The following UGT8 variants were observed in gnomAD, a reference collection of about 807,000 sequenced individuals.
UGT8 encodes the protein 2-hydroxyacylsphingosine 1-beta-galactosyltransferase.
In UGT8, 12 loss-of-function variants were observed where a neutral mutation model predicts 40.5. The observed-to-expected ratio is 0.30, with a 90% CI of 0.19 to 0.48. The LOEUF (loss-of-function observed/expected upper bound fraction) is 0.48, where lower values mean the gene tolerates loss of function less well. UGT8 is among the 20% of genes least tolerant of loss of function. The pLI is 0.99. For missense variants in UGT8, 513 were observed against 648.7 expected (o/e 0.79, Z 2.27); for synonymous variants, 224 against 240.4 (o/e 0.93, Z 0.63).
chr4:114,665,908 A>G (rs1013365897), intron 4 of UGT8, 152 bp downstream of exon 4: 9 of 527,752 alleles, frequency 1.7e-5, no homozygotes, highest in African/African-American at 5.9e-5. Context: ...CAGTATCTCA[A>G]ATCTTAAATT....
chr4:114,627,827 T>A (rs1732332400), intron 2 of UGT8, among the ~76,000 whole-genome samples: 1 of 152,230 alleles, frequency 6.6e-6, no homozygotes, highest in African/African-American at 2.4e-5. Flanking sequence ...TAATAGCACT[T>A]TAACTACTGT....
At chr4:114,601,525 G>T (rs1231281033) in intron 1 of UGT8, among the ~76,000 whole-genome samples, 1 of 151,076 alleles carries the variant, frequency 6.6e-6, no homozygotes, top group Non-Finnish European at 1.5e-5. Flanking sequence ...ATCTGCATTG[G>T]TACTTATTTA....
At chr4:114,658,135 AC>A (rs1259121982) in intron 2 of UGT8, among the ~76,000 whole-genome samples, 1 of 152,214 alleles carries the variant, frequency 6.6e-6, no homozygotes, top group Non-Finnish European at 1.5e-5. Flanking sequence ...CAAAATGTTC[AC>A]TATCATTTTA....
intron 1 of UGT8, among the ~76,000 whole-genome samples, chr4:114,617,755 G>C (rs887831427): frequency 6.6e-6 from 1 of 152,174 alleles, no homozygotes; most frequent in African/African-American, 2.4e-5. Flanking sequence ...TAAGAATTTG[G>C]TTAGAATTGT....
chr4:114,635,456 CT>C (rs1003411080), intron 2 of UGT8, among the ~76,000 whole-genome samples: 6 of 151,900 alleles, frequency 3.9e-5, no homozygotes, highest in South Asian at 2.1e-4. Context: ...TATTGAAAGA[CT>C]TTTTTTCTTC....
Position 114,664,150 on chromosome 4 carries a change from T to G in UGT8, c.965+13T>G, listed in dbSNP as rs1056017478. The G allele has an allele frequency of 1.9e-6, 3 of 1,612,422 alleles. No individual in the cohort carries two copies. The highest frequency in any genetic ancestry group is 2.7e-5 in the African/African-American group (2 of 74,920). On this transcript the variant is annotated intron_variant, in intron 3 of 5. Transcript: ENST00000310836. ...AAGTGATTTGGAGGTAAGGTAATAA[T>G]GTAGATTGTTTCTTTGCTATTGACA...
At chr4:114,671,227 C>T (rs535940145) in intron 5 of UGT8, among the ~76,000 whole-genome samples, 9 of 152,186 alleles carry the variant, frequency 5.9e-5, no homozygotes, top group Non-Finnish European at 1.2e-4. Context: ...AATGGCTATA[C>T]TGCCCAAAGT....
chr4:114,649,963 A>G (rs374268020), intron 2 of UGT8, among the ~76,000 whole-genome samples: 1 of 152,228 alleles, frequency 6.6e-6, no homozygotes, highest in South Asian at 2.1e-4. Context: ...CTGATATAAA[A>G]TTATATGTGA....
At chr4:114,669,064 T>A (rs1449655167) in intron 5 of UGT8, among the ~76,000 whole-genome samples, 1 of 152,224 alleles carries the variant, frequency 6.6e-6, no homozygotes, top group Non-Finnish European at 1.5e-5. Flanking sequence ...CTAGGGGATA[T>A]GGCTTAACAC....
intron 2 of UGT8, among the ~76,000 whole-genome samples, chr4:114,648,050 A>T (rs1733682764): frequency 6.6e-6 from 1 of 152,182 alleles, no homozygotes; most frequent in African/African-American, 2.4e-5. Flanking sequence ...AAGACTCTAA[A>T]ATCCACTTAA....
chr4:114,646,779 T>G (rs1578442455), intron 2 of UGT8, among the ~76,000 whole-genome samples: 1 of 152,240 alleles, frequency 6.6e-6, no homozygotes, highest in Admixed American at 6.5e-5. Flanking sequence ...TTTTTTGATA[T>G]GCCTAGAAAT....
At chr4:114,610,043 G>C (rs572632330) in intron 1 of UGT8, among the ~76,000 whole-genome samples, 1 of 152,096 alleles carries the variant, frequency 6.6e-6, no homozygotes, top group African/African-American at 2.4e-5. Context: ...CATGACCAAG[G>C]CTTTACAAAG....
intron 2 of UGT8, among the ~76,000 whole-genome samples, chr4:114,657,968 A>T (rs1734289150): frequency 6.6e-6 from 1 of 152,202 alleles, no homozygotes; most frequent in Admixed American, 6.5e-5. Flanking sequence ...CAAACAAATC[A>T]GTGAAAACAA....
Position 114,668,158 on chromosome 4 carries a change from G to T in UGT8, c.1116G>T (p.Val372=), listed in dbSNP as rs374121809. The T allele has an allele frequency of 1.2e-5, 20 of 1,613,722 alleles. No homozygotes were observed. In the African/African-American group the frequency reaches 2.5e-4, roughly 20 times the overall value. ...TTTTTGAAACTATATATCATGGTGT[G>T]CCTGTAGTGGGAATTCCACTCTTTG... ...NSIFETIYHG[V]PVVGIPLFGD... The change falls in exon 5 of 6, where the codon GTG becomes GTT. Residue 372 remains valine, a synonymous_variant. Transcript: ENST00000310836.
At chr4:114,660,967 A>C (rs1734494082) in intron 2 of UGT8, among the ~76,000 whole-genome samples, 1 of 151,966 alleles carries the variant, frequency 6.6e-6, no homozygotes, top group Non-Finnish European at 1.5e-5. Flanking sequence ...GAGGGATAGA[A>C]CCTCATATTT....
chr4:114,663,905 A>G, intron 2 of UGT8, 90 bp from the exon 3 acceptor site: 1 of 1,537,764 alleles, frequency 6.5e-7, no homozygotes, highest in Non-Finnish European at 8.8e-7. Flanking sequence ...AAAATTACTT[A>G]AAAGGTTTTT....
intron 5 of UGT8, among the ~76,000 whole-genome samples, chr4:114,668,691 T>C (rs1452759706): frequency 1.3e-5 from 2 of 152,226 alleles, no homozygotes; most frequent in Non-Finnish European, 2.9e-5. Flanking sequence ...CTTGAGTAAT[T>C]TGGCTTACAC....
At chr4:114,610,286 G>A (rs756996288) in intron 1 of UGT8, among the ~76,000 whole-genome samples, 6 of 152,054 alleles carry the variant, frequency 3.9e-5, no homozygotes. Flanking sequence ...CAAATGAGGG[G>A]TTTGAAATCA....
intron 2 of UGT8, among the ~76,000 whole-genome samples, chr4:114,642,435 T>G (rs980379460): frequency 2.6e-5 from 4 of 152,084 alleles, no homozygotes; most frequent in African/African-American, 9.7e-5. Context: ...TGATTACAAT[T>G]TTTGGGGGTA....
Sources: gnomAD v4.1 joint callset for allele counts (sites outside exome capture counted in the v4.1 genomes callset) on GRCh38, gnomAD v4.1.1 for gene constraint, MANE v1.5 for transcripts, NCBI Gene and HGNC (gene_info 2026-07-23, HGNC 2026-07-21) for gene names.